Variants in APBB2 observed in about 807,000 individuals in gnomAD.
APBB2 encodes amyloid beta precursor protein binding family B member 2.
In APBB2, 38 loss-of-function variants were observed where a neutral mutation model predicts 82.5. That is an observed-to-expected ratio of 0.46 (90% confidence interval 0.36 to 0.60). The LOEUF is 0.60. APBB2 is among the 20% of genes least tolerant of loss of function. The probability of loss-of-function intolerance (pLI) is 0.00; values close to 1 mark genes in which losing one functional copy is unlikely to be tolerated. For missense variants in APBB2, 772 were observed against 972.3 expected (o/e 0.79, Z 2.74); for synonymous variants, 341 against 368.2 (o/e 0.93, Z 0.85).
At chr4:40,900,168 G>A (rs1483461299) in intron 10 of APBB2, among the ~76,000 whole-genome samples, 5 of 152,122 alleles carry the variant, frequency 3.3e-5, no homozygotes, top group Non-Finnish European at 7.3e-5. Context: ...GTCATCTATG[G>A]GAATCATTTA....
chr4:40,891,608 C>T (rs1357598266), intron 11 of APBB2, among the ~76,000 whole-genome samples: 1 of 152,224 alleles, frequency 6.6e-6, no homozygotes, highest in East Asian at 1.9e-4. Flanking sequence ...ATAGGTATCT[C>T]AGTGCCTCTG....
At chr4:41,125,188 C>T (rs988825092) in intron 2 of APBB2, among the ~76,000 whole-genome samples, 18 of 152,194 alleles carry the variant, frequency 1.2e-4, no homozygotes, top group Admixed American at 3.9e-4. Context: ...TAGCCAAAAG[C>T]ATGTTATTTC....
At chr4:41,004,664 A>G (rs1351906605) in intron 6 of APBB2, among the ~76,000 whole-genome samples, 1 of 151,712 alleles carries the variant, frequency 6.6e-6, no homozygotes, top group Non-Finnish European at 1.5e-5. Context: ...GTGAAACCCC[A>G]TCTCCACTAA....
chr4:41,098,341 A>G (rs150966057), intron 3 of APBB2, among the ~76,000 whole-genome samples: 11 of 152,048 alleles, frequency 7.2e-5, no homozygotes, highest in African/African-American at 2.7e-4. Context: ...CTTACCACTA[A>G]GCCCAGCAAC....
chr4:40,932,286 T>C (rs927159430), intron 10 of APBB2, among the ~76,000 whole-genome samples: 2 of 152,218 alleles, frequency 1.3e-5, no homozygotes, highest in African/African-American at 4.8e-5. Flanking sequence ...ACAACCTGCG[T>C]TCCTTACCAT....
intron 10 of APBB2, among the ~76,000 whole-genome samples, chr4:40,928,224 C>G (rs1783121864): frequency 6.6e-6 from 1 of 152,188 alleles, no homozygotes; most frequent in Non-Finnish European, 1.5e-5. Context: ...AAGAAAATGT[C>G]TAAGATTACA....
At chr4:40,870,697 T>C (rs991387506) in intron 12 of APBB2, among the ~76,000 whole-genome samples, 1 of 152,074 alleles carries the variant, frequency 6.6e-6, no homozygotes, top group Non-Finnish European at 1.5e-5. Context: ...CTTATAGGTA[T>C]TATATACATA....
At chr4:40,944,840 C>T in intron 7 of APBB2, 25 bp downstream of exon 7, 1 of 1,607,628 alleles carries the variant, frequency 6.2e-7, no homozygotes, top group Non-Finnish European at 8.5e-7. Context: ...TTCTACTAAG[C>T]TGGTAAAAAG....
At chr4:40,981,584 A>C (rs768211022) in intron 6 of APBB2, among the ~76,000 whole-genome samples, 3 of 152,148 alleles carry the variant, frequency 2.0e-5, no homozygotes, top group Non-Finnish European at 4.4e-5. Flanking sequence ...TTAAGGAAAA[A>C]AATTCCACTT....
At chr4:41,012,313 T>C (rs563825288) in intron 6 of APBB2, among the ~76,000 whole-genome samples, 4 of 152,342 alleles carry the variant, frequency 2.6e-5, no homozygotes, top group African/African-American at 7.2e-5. Flanking sequence ...GAGTCTTTCA[T>C]GTATTAATAG....
intron 10 of APBB2, among the ~76,000 whole-genome samples, chr4:40,919,658 C>T (rs1029805308): frequency 9.9e-5 from 15 of 152,196 alleles, no homozygotes; most frequent in African/African-American, 3.1e-4. Context: ...GCCGCCCAAA[C>T]GGCTAACTCA....
At chr4:40,831,402 G>GA (rs140099148) in intron 12 of APBB2, among the ~76,000 whole-genome samples, 8,212 of 142,322 alleles carry the variant, frequency 0.058, 738 homozygotes, top group African/African-American at 0.2. Flanking sequence ...AACTCCCTCT[G>GA]AAAAAAAACA....
chr4:40,956,422 G>A (rs983468961), intron 6 of APBB2, among the ~76,000 whole-genome samples: 9 of 152,134 alleles, frequency 5.9e-5, no homozygotes, highest in African/African-American at 1.4e-4. Flanking sequence ...ATTTGGGAGC[G>A]CCCAGAATCC....
intron 6 of APBB2, among the ~76,000 whole-genome samples, chr4:40,995,681 C>CATGTGCCACT (rs1295436071): frequency 6.6e-6 from 1 of 151,906 alleles, no homozygotes. Flanking sequence ...CTGACGCCAG[C>CATGTGCCACT]ATGTGCCACT....
At chr4:41,106,477 T>G (rs1448835122) in intron 2 of APBB2, among the ~76,000 whole-genome samples, 1 of 151,894 alleles carries the variant, frequency 6.6e-6, no homozygotes, top group Non-Finnish European at 1.5e-5. Flanking sequence ...TTTTGTTTCT[T>G]TGTTTGTTTG....
intron 7 of APBB2, chr4:40,935,368 A>C: frequency 2.0e-6 from 1 of 497,140 alleles, no homozygotes. Context: ...TTACCAAATA[A>C]ATGACTAAAC....
chr4:41,153,348 G>A (rs1452000109), intron 1 of APBB2, among the ~76,000 whole-genome samples: 1 of 152,166 alleles, frequency 6.6e-6, no homozygotes, highest in Non-Finnish European at 1.5e-5. Flanking sequence ...CGTACTGCTA[G>A]GAACCTAAGC....
intron 1 of APBB2, among the ~76,000 whole-genome samples, chr4:41,164,885 C>G (rs1367132213): frequency 6.6e-6 from 1 of 152,136 alleles, no homozygotes; most frequent in African/African-American, 2.4e-5. Context: ...TAGACTAAAT[C>G]CAGGTGTTTA....
chr4:41,061,574 A>G (rs1173379007), intron 4 of APBB2, among the ~76,000 whole-genome samples: 2 of 152,260 alleles, frequency 1.3e-5, no homozygotes, highest in Non-Finnish European at 2.9e-5. Context: ...AGGGTCTTAT[A>G]ATCTTATGGG....
Sources: allele counts gnomAD v4.1 joint callset (sites outside exome capture counted in the v4.1 genomes callset), GRCh38; gene constraint gnomAD v4.1.1; transcripts MANE v1.5; gene names NCBI Gene and HGNC (gene_info 2026-07-23, HGNC 2026-07-21).